ABCC1: variants seen among roughly 807,000 people sequenced by gnomAD.
ABCC1 encodes the protein multidrug resistance-associated protein 1.
A neutral mutation model predicts 172.9 loss-of-function variants in ABCC1; 83 were observed. That is an observed-to-expected ratio of 0.48 (90% CI 0.40 to 0.58). ABCC1 has a LOEUF of 0.58. ABCC1 is among the 20% of genes least tolerant of loss of function. The pLI is 0.00. For missense variants in ABCC1, 1,817 were observed against 2,002.7 expected (o/e 0.91, Z 1.77); for synonymous variants, 937 against 825.2 (o/e 1.14, Z -2.32).
chr16:16,121,983 C>T lies in ABCC1; in HGVS notation c.3399C>T (p.Tyr1133=), dbSNP rs1011727501. ...GLIYFFVQRF[Y]VASSRQLKRL... ...TCTGTTCTCTACCCCAGAGGTTCTACGTGGCTTCCTCCCGGCAGCTGAAGC... is the reference window on the plus strand; with the variant it reads ...TCTGTTCTCTACCCCAGAGGTTCTATGTGGCTTCCTCCCGGCAGCTGAAGC... The change falls in exon 24 of 31, where the codon TAC becomes TAT. Residue 1133 remains tyrosine (Y), a synonymous_variant. Coordinates refer to ENST00000399410, the MANE Select transcript of ABCC1 (RefSeq NM_004996.4). The T allele has an allele frequency of 2.0e-5, 33 of 1,614,072 alleles. No individual in the cohort carries two copies. The highest frequency in any genetic ancestry group is 5.3e-5 in the African/African-American group (4 of 74,920).
At chr16:16,083,132 A>G (rs2050870403) in intron 16 of ABCC1, among the ~76,000 whole-genome samples, 1 of 152,230 alleles carries the variant, frequency 6.6e-6, no homozygotes, top group South Asian at 2.1e-4. Flanking sequence ...CAACGAGGAT[A>G]TCAACTCTTT....
chr16:16,070,000 T>G (rs1029310421), intron 13 of ABCC1, among the ~76,000 whole-genome samples: 1 of 152,160 alleles, frequency 6.6e-6, no homozygotes, highest in Non-Finnish European at 1.5e-5. Flanking sequence ...GCCACTGCAC[T>G]CCAGCCTGGG....
intron 18 of ABCC1, among the ~76,000 whole-genome samples, chr16:16,088,100 C>T (rs2051086596): frequency 6.7e-6 from 1 of 149,584 alleles, no homozygotes; most frequent in African/African-American, 2.5e-5. Context: ...ATATGGATAT[C>T]TTCTTATAAT....
intron 17 of ABCC1, among the ~76,000 whole-genome samples, chr16:16,085,977 G>A (rs2050990381): frequency 6.6e-6 from 1 of 152,176 alleles, no homozygotes; most frequent in Admixed American, 6.5e-5. Flanking sequence ...ACTGGGATGT[G>A]GGCTGGATTT....
chr16:15,982,824 A>AAAAAAAAAAAAAAAAAAAAT (rs2046655505), intron 1 of ABCC1, among the ~76,000 whole-genome samples: 1 of 144,738 alleles, frequency 6.9e-6, no homozygotes, highest in Non-Finnish European at 1.5e-5. Flanking sequence ...AAAAAAAAAA[A>AAAAAAAAAAAAAAAAAAAAT]GGAAATCCAT....
intron 3 of ABCC1, 117 bp downstream of exon 3, chr16:16,010,018 G>C (rs920491289): frequency 2.9e-6 from 1 of 347,106 alleles, no homozygotes; most frequent in Non-Finnish European, 4.6e-6. Flanking sequence ...CTGGAGCTGG[G>C]ATATAAATTA....
At chr16:16,021,605 T>C (rs1172408724) in intron 5 of ABCC1, among the ~76,000 whole-genome samples, 1 of 152,122 alleles carries the variant, frequency 6.6e-6, no homozygotes, top group Non-Finnish European at 1.5e-5. Context: ...TGATCCCTGC[T>C]ATTTAGGAGG....
chr16:15,992,756 C>T (rs928736845), intron 1 of ABCC1, among the ~76,000 whole-genome samples: 1 of 152,190 alleles, frequency 6.6e-6, no homozygotes, highest in African/African-American at 2.4e-5. Context: ...GCTTAATGCA[C>T]TCCCAGGGCC....
At chr16:16,012,729 C>T (rs1260166588) in intron 3 of ABCC1, among the ~76,000 whole-genome samples, 2 of 141,514 alleles carry the variant, frequency 1.4e-5, no homozygotes, top group African/African-American at 2.8e-5. Flanking sequence ...GCTCTTTTTT[C>T]CCAGGCGCAA....
Position 16,115,080 on chromosome 16 carries a change from A to T in ABCC1, c.3390+4A>T. On this transcript the variant is annotated splice_donor_region_variant and intron_variant, in intron 23 of 30. Coordinates refer to ENST00000399410, the MANE Select transcript of ABCC1 (RefSeq NM_004996.4). Reference sequence around the variant, plus strand: ...CCTCATCTACTTCTTCGTCCAGGTAAGGGGTGAGGTCTTAGTGTTCGGGAC... The same window carrying T: ...CCTCATCTACTTCTTCGTCCAGGTATGGGGTGAGGTCTTAGTGTTCGGGAC... 1 of 1,612,946 alleles carries T rather than the reference A, an allele frequency of 6.2e-7. No homozygotes were observed.
rs1295103605 is a variant in ABCC1, at chr16:16,094,709, G to A, written c.2644+4121G>A. ...TTTTTGTATTTTTAGTAGAAACGGG[G>A]TTTCACCGTGTTAGTCAGGATGGTC... On this transcript the variant is annotated intron_variant, in intron 19 of 30. Coordinates refer to ENST00000399410, the MANE Select transcript of ABCC1 (RefSeq NM_004996.4). Among the ~76,000 whole-genome samples the A allele has an allele frequency of 5.3e-5, 8 of 150,478 alleles. No homozygotes were observed. In the East Asian group the frequency reaches 1.6e-3, roughly 30 times the overall value.
intron 6 of ABCC1, among the ~76,000 whole-genome samples, chr16:16,034,610 T>A (rs949417827): frequency 6.8e-5 from 9 of 131,772 alleles, no homozygotes; most frequent in East Asian, 2.1e-4. Context: ...TTTTTTGAGA[T>A]GGAGTCTTGC....
At chr16:15,995,692 G>T (rs1001678607) in intron 1 of ABCC1, among the ~76,000 whole-genome samples, 1 of 152,134 alleles carries the variant, frequency 6.6e-6, no homozygotes, top group African/African-American at 2.4e-5. Context: ...TTTTGAGACA[G>T]GGTCTCAGTC....
intron 5 of ABCC1, among the ~76,000 whole-genome samples, chr16:16,023,543 G>A (rs16967135): frequency 0.13 from 19,441 of 152,068 alleles, 1,711 homozygotes; most frequent in African/African-American, 0.25. Context: ...CCATTTCTCC[G>A]TCATGCTTTC....
chr16:16,005,019 CTTT>C (rs34044736), intron 1 of ABCC1, among the ~76,000 whole-genome samples: 1 of 145,700 alleles, frequency 6.9e-6, no homozygotes, highest in Admixed American at 6.9e-5. Flanking sequence ...CAGATTGACA[CTTT>C]TTTTTTTAAG....
chr16:16,029,651 T>C (rs921928294), intron 5 of ABCC1, among the ~76,000 whole-genome samples: 1 of 152,224 alleles, frequency 6.6e-6, no homozygotes, highest in Admixed American at 6.5e-5. Context: ...GTTGCAAAAA[T>C]AACAGAGTTC....
chr16:16,048,070 G>A (rs1352967573), intron 9 of ABCC1, 72 bp from the exon 10 acceptor site: 25 of 1,541,450 alleles, frequency 1.6e-5, no homozygotes, highest in Middle Eastern at 4.3e-4. Flanking sequence ...CTTCCTCTCC[G>A]TGGGTCTGGA....
intron 1 of ABCC1, among the ~76,000 whole-genome samples, chr16:15,966,552 G>C (rs1474244787): frequency 6.6e-6 from 1 of 151,986 alleles, no homozygotes; most frequent in Admixed American, 6.6e-5. Context: ...GCTTATCTGC[G>C]AGCCCTTTGA....
At chr16:16,104,033 G>A (rs532106887) in intron 20 of ABCC1, among the ~76,000 whole-genome samples, 1 of 152,224 alleles carries the variant, frequency 6.6e-6, no homozygotes, top group African/African-American at 2.4e-5. Flanking sequence ...CAGCTCTTAA[G>A]GTGGCGTGTC....
Sources: gnomAD v4.1 joint callset for allele counts (sites outside exome capture counted in the v4.1 genomes callset) on GRCh38, gnomAD v4.1.1 for gene constraint, MANE v1.5 for transcripts, NCBI Gene and HGNC (gene_info 2026-07-23, HGNC 2026-07-21) for gene names.